AUTS2: variants seen among roughly 807,000 people sequenced by gnomAD.
AUTS2 encodes activator of transcription and developmental regulator AUTS2.
AUTS2 carries 17 observed loss-of-function variants against 112.4 expected under a neutral mutation model. That is an observed-to-expected ratio of 0.15 (90% CI 0.10 to 0.23). The LOEUF (loss-of-function observed/expected upper bound fraction) is 0.23. AUTS2 is among the 10% of genes least tolerant of loss of function. AUTS2 has a pLI of 1.00. For missense variants in AUTS2, 1,510 were observed against 1,701.6 expected (o/e 0.89, Z 1.98); for synonymous variants, 751 against 702.7 (o/e 1.07, Z -1.09).
chr7:70,291,380 A>C (rs1477147404), intron 4 of AUTS2: 1 of 152,204 alleles, frequency 6.6e-6, no homozygotes, highest in Non-Finnish European at 1.5e-5. Flanking sequence ...GAGAGGTGAG[A>C]AAACAACTTT....
chr7:70,790,433 G>C lies in AUTS2; in HGVS notation c.3217G>C (p.Asp1073His), dbSNP rs778572856. ...YPSFHWDPIR[D>H]PLRDPYRELD... The stretch of plus-strand genomic sequence containing the variant: ...TTCTTTCCACTGGGACCCCATCCGG[G>C]ACCCCTTGAGGGATCCTTACCGAGA... The change falls in exon 19 of 19, where the codon GAC (aspartate) becomes CAC (histidine). Residue 1073 changes from aspartate (D) to histidine (H), a missense_variant. By Grantham distance (81) the Asp-to-His change is moderately conservative (BLOSUM62 -1). Coordinates refer to ENST00000342771, the MANE Select transcript of AUTS2 (RefSeq NM_015570.4). The surrounding 1 kb of genome is among the most constrained non-coding windows in gnomAD (Gnocchi z 7.6). 6.2e-7 allele frequency: 1 copy of C among 1,612,530 alleles called. No homozygotes were observed. The highest frequency in any genetic ancestry group is 1.1e-5 in the South Asian group (1 of 90,858).
At chr7:69,783,853 G>A (rs1007536989) in intron 1 of AUTS2, among the ~76,000 whole-genome samples, 1 of 152,146 alleles carries the variant, frequency 6.6e-6, no homozygotes. Flanking sequence ...GGGAATACAT[G>A]TGCAGACTGA....
intron 2 of AUTS2, among the ~76,000 whole-genome samples, chr7:70,095,273 T>A (rs971924963): frequency 3.9e-5 from 6 of 152,136 alleles, no homozygotes; most frequent in African/African-American, 1.4e-4. Flanking sequence ...TGTGTGTGTG[T>A]GCGTGCGTGC....
intron 1 of AUTS2, among the ~76,000 whole-genome samples, chr7:69,602,853 C>T (rs1291504290): frequency 6.6e-6 from 1 of 152,170 alleles, no homozygotes; most frequent in Non-Finnish European, 1.5e-5. Flanking sequence ...TGTGTGCTAT[C>T]ACATTGTGTC....
chr7:69,912,301 A>T (rs1292818160), intron 2 of AUTS2, among the ~76,000 whole-genome samples: 2 of 150,838 alleles, frequency 1.3e-5, no homozygotes, highest in Admixed American at 1.3e-4. Flanking sequence ...GGCGCCTGAG[A>T]GCTCAGGGAT....
At chr7:69,813,513 C>T (rs767359348) in intron 1 of AUTS2, among the ~76,000 whole-genome samples, 6 of 152,190 alleles carry the variant, frequency 3.9e-5, no homozygotes, top group Non-Finnish European at 5.9e-5. Flanking sequence ...TTTAACCTTT[C>T]TAAGCCTAGG....
At position 70,043,588 on chromosome 7, in the gene AUTS2, CCT is replaced by C; in HGVS notation, c.523-74543_523-74542del. Among the ~76,000 whole-genome samples, 3 of 99,730 alleles carry C rather than the reference CCT, an allele frequency of 3.0e-5. No individual in the cohort carries two copies. In the South Asian group the frequency reaches 9.9e-4, roughly 33 times the overall value. The allele number at this position is 99,730 out of a possible 152,430, so 65.4% of individuals were successfully genotyped here. On this transcript the variant is annotated intron_variant, in intron 2 of 18. Transcript: ENST00000342771. ...TCCTTCCTTCCTTCCTTCCTTCCTTCCTTCCTTCCTTCCTTCCTTTTTTTTTT... is the reference window on the plus strand; with the variant it reads ...TCCTTCCTTCCTTCCTTCCTTCCTTCTCCTTCCTTCCTTCCTTTTTTTTTT...
At chr7:70,452,376 G>A (rs570320185) in intron 5 of AUTS2, among the ~76,000 whole-genome samples, 76 of 152,162 alleles carry the variant, frequency 5.0e-4, no homozygotes, top group African/African-American at 1.4e-3. Context: ...GGAGGATTGC[G>A]TGAGCCCGGG....
chr7:69,880,659 G>T (rs1024382433), intron 1 of AUTS2, among the ~76,000 whole-genome samples: 1 of 152,134 alleles, frequency 6.6e-6, no homozygotes, highest in Non-Finnish European at 1.5e-5. Context: ...TTTTCGAAGC[G>T]GGAAATCAGG....
chr7:70,672,598 C>A (rs1563117499), intron 5 of AUTS2, among the ~76,000 whole-genome samples: 1 of 151,780 alleles, frequency 6.6e-6, no homozygotes, highest in Non-Finnish European at 1.5e-5. Flanking sequence ...CACATGATTT[C>A]TTTTTCTTTT....
At position 70,486,906 on chromosome 7, in the gene AUTS2, C is replaced by CG. The variant is rs540573679; in HGVS notation, c.690+51125_690+51126insG. On this transcript the variant is annotated intron_variant, in intron 5 of 18. Coordinates refer to ENST00000342771, the MANE Select transcript of AUTS2 (RefSeq NM_015570.4). Reference sequence around the variant, plus strand: ...TTTGTTGTTTTTGTATTCCCCCCCCCCCAAAAAAAAAGAAGAAAAGGTTGC... The same window carrying CG: ...TTTGTTGTTTTTGTATTCCCCCCCCCGCCAAAAAAAAAGAAGAAAAGGTTGC... Among the ~76,000 whole-genome samples the CG allele has an allele frequency of 2.4e-4, 29 of 118,950 alleles. No homozygotes were observed. In the East Asian group the frequency reaches 3.1e-3, roughly 13 times the overall value. The allele number at this position is 118,950 out of a possible 152,430, so 78.0% of individuals were successfully genotyped here.
chr7:70,149,670 A>G (rs1036686909), intron 4 of AUTS2, among the ~76,000 whole-genome samples: 3 of 152,030 alleles, frequency 2.0e-5, no homozygotes, highest in Non-Finnish European at 4.4e-5. Flanking sequence ...ATAAAAAGCA[A>G]AACGATGAAA....
intron 2 of AUTS2, among the ~76,000 whole-genome samples, chr7:69,973,835 C>T (rs1466651467): frequency 6.6e-6 from 1 of 151,960 alleles, no homozygotes; most frequent in Non-Finnish European, 1.5e-5. Context: ...ATTTTATTTA[C>T]TTATATTTTG....
chr7:69,614,903 C>T (rs1024169796), intron 1 of AUTS2, among the ~76,000 whole-genome samples: 8 of 152,120 alleles, frequency 5.3e-5, no homozygotes, highest in Middle Eastern at 3.2e-3. Flanking sequence ...TTGTATGTCC[C>T]GAATGGAAAT....
intron 5 of AUTS2, among the ~76,000 whole-genome samples, chr7:70,593,121 G>T (rs1375419121): frequency 2.6e-5 from 4 of 152,070 alleles, no homozygotes; most frequent in Non-Finnish European, 4.4e-5. Flanking sequence ...AAAGTGCTGG[G>T]ATTAACAGGC....
intron 1 of AUTS2, among the ~76,000 whole-genome samples, chr7:69,786,835 T>A (rs1162605375): frequency 6.6e-6 from 1 of 152,214 alleles, no homozygotes; most frequent in Non-Finnish European, 1.5e-5. Context: ...GTTTAAAAAA[T>A]AGAATCAAAT....
At chr7:69,971,031 T>G (rs967255139) in intron 2 of AUTS2, among the ~76,000 whole-genome samples, 1 of 152,012 alleles carries the variant, frequency 6.6e-6, no homozygotes, top group Non-Finnish European at 1.5e-5. Flanking sequence ...ATTAAAAAAT[T>G]AGCTGGTGTG....
chr7:70,678,030 C>T (rs1472071086), intron 5 of AUTS2, among the ~76,000 whole-genome samples: 4 of 151,862 alleles, frequency 2.6e-5, no homozygotes, highest in African/African-American at 9.7e-5. Flanking sequence ...TGCAGTGAGC[C>T]GAGATGGTGC....
At chr7:70,533,853 T>C (rs1481628770) in intron 5 of AUTS2, among the ~76,000 whole-genome samples, 1 of 152,204 alleles carries the variant, frequency 6.6e-6, no homozygotes, top group Non-Finnish European at 1.5e-5. Context: ...TAGTAGCAGC[T>C]GAGCGTGGGA....
Sources: gnomAD v4.1 joint callset for allele counts (sites outside exome capture counted in the v4.1 genomes callset) on GRCh38, gnomAD v4.1.1 for gene constraint, Gnocchi (gnomAD v3.1) non-coding constraint, MANE v1.5 for transcripts, NCBI Gene and HGNC (gene_info 2026-07-23, HGNC 2026-07-21) for gene names.